Variants in NRXN3 observed in about 807,000 individuals in gnomAD.
The protein encoded by NRXN3 is neurexin III.
A neutral mutation model predicts 137.6 loss-of-function variants in NRXN3; 32 were observed. The observed-to-expected ratio is 0.23, with a 90% confidence interval of 0.18 to 0.31. The LOEUF (loss-of-function observed/expected upper bound fraction) is 0.31, where lower values mean the gene tolerates loss of function less well. Among genes scored for constraint, NRXN3 ranks in the 10% least tolerant of loss-of-function variants. The pLI is 1.00. For missense variants in NRXN3, 1,574 were observed against 2,062.5 expected (o/e 0.76, Z 4.59); for synonymous variants, 798 against 784.5 (o/e 1.02, Z -0.29).
At chr14:78,935,589 G>A (rs554582106) in intron 10 of NRXN3, among the ~76,000 whole-genome samples, 1 of 152,232 alleles carries the variant, frequency 6.6e-6, no homozygotes, top group East Asian at 1.9e-4. Context: ...ATATTGACAA[G>A]GAAAAAGTTC....
intron 19 of NRXN3, among the ~76,000 whole-genome samples, chr14:79,801,356 G>A (rs1032619127): frequency 5.3e-5 from 8 of 152,192 alleles, no homozygotes; most frequent in African/African-American, 4.8e-5. Context: ...GTAATGAATT[G>A]TCAGCAACAA....
At chr14:79,678,382 C>T (rs903732835) in intron 17 of NRXN3, among the ~76,000 whole-genome samples, 2 of 152,180 alleles carry the variant, frequency 1.3e-5, no homozygotes, top group African/African-American at 4.8e-5. Flanking sequence ...CTATAAATCT[C>T]TGTGGTAGAA....
intron 10 of NRXN3, among the ~76,000 whole-genome samples, chr14:78,883,778 G>C (rs2099135763): frequency 6.6e-6 from 1 of 152,152 alleles, no homozygotes; most frequent in Non-Finnish European, 1.5e-5. Context: ...CTCCAGCCCA[G>C]GTTTGTTCAT....
At chr14:79,788,708 A>T (rs1946055105) in intron 19 of NRXN3, among the ~76,000 whole-genome samples, 1 of 152,196 alleles carries the variant, frequency 6.6e-6, no homozygotes, top group African/African-American at 2.4e-5. Context: ...GTCTCCCTCA[A>T]ATAGCAATCA....
chr14:79,412,526 C>T (rs1428516040), intron 15 of NRXN3, among the ~76,000 whole-genome samples: 3 of 151,840 alleles, frequency 2.0e-5, no homozygotes, highest in Non-Finnish European at 2.9e-5. Flanking sequence ...CGCCTGTAAT[C>T]CCAGCACTTT....
At chr14:79,071,788 T>A (rs1161603600) in intron 15 of NRXN3, among the ~76,000 whole-genome samples, 3 of 152,164 alleles carry the variant, frequency 2.0e-5, no homozygotes, top group African/African-American at 7.2e-5. Context: ...ATCAATAATA[T>A]CTTCATTGCA....
chr14:79,318,349 G>C (rs947346237), intron 15 of NRXN3, among the ~76,000 whole-genome samples: 2 of 152,230 alleles, frequency 1.3e-5, no homozygotes, highest in Admixed American at 1.3e-4. Context: ...AGCAATTAGG[G>C]AAGGAAGGAA....
chr14:79,566,473 C>A (rs2097551439), intron 16 of NRXN3, among the ~76,000 whole-genome samples: 1 of 152,056 alleles, frequency 6.6e-6, no homozygotes, highest in Non-Finnish European at 1.5e-5. Context: ...TTTCTACTGA[C>A]AAAGCCAAAT....
chr14:79,480,339 G>T (rs1036733130), intron 16 of NRXN3, among the ~76,000 whole-genome samples: 14 of 152,120 alleles, frequency 9.2e-5, no homozygotes, highest in African/African-American at 3.4e-4. Context: ...TGGCTAAACA[G>T]CAAAGCTTAA....
chr14:78,645,462 A>G lies in NRXN3; in HGVS notation c.1059+41A>G, dbSNP rs1483462012. On this transcript the variant is annotated intron_variant, in intron 5 of 20. Transcript: ENST00000335750. ...AGAGAATTCCTGGAAGGCTCATCTT[A>G]GGTGGCTGGGTAGTAAATTTGTGAA... 4 of 1,508,828 alleles carry G rather than the reference A, an allele frequency of 2.7e-6. No individual in the cohort carries two copies. The African/African-American group carries it at 4.1e-5, about 16-fold the overall frequency. 93.5% of individuals were successfully genotyped at this position (1,508,828 alleles called of 1,614,324 possible).
chr14:79,771,393 C>T (rs545599459), intron 19 of NRXN3, among the ~76,000 whole-genome samples: 16 of 152,162 alleles, frequency 1.1e-4, no homozygotes, highest in East Asian at 7.7e-4. Context: ...ACTGGCAAAC[C>T]GACTCCAGCA....
chr14:78,780,258 G>T (rs1354783804), intron 8 of NRXN3, among the ~76,000 whole-genome samples: 2 of 151,074 alleles, frequency 1.3e-5, no homozygotes, highest in African/African-American at 4.9e-5. Context: ...TATCTATATG[G>T]GAAAAAATGA....
At chr14:78,575,790 A>G (rs920983193) in intron 4 of NRXN3, among the ~76,000 whole-genome samples, 1 of 152,198 alleles carries the variant, frequency 6.6e-6, no homozygotes, top group Non-Finnish European at 1.5e-5. Flanking sequence ...GTAAAGAAGA[A>G]GACATGGATA....
chr14:78,656,400 G>A (rs2097785107), intron 6 of NRXN3, among the ~76,000 whole-genome samples: 1 of 152,084 alleles, frequency 6.6e-6, no homozygotes, highest in African/African-American at 2.4e-5. Context: ...GCTCCAGGAT[G>A]AGGGGCAGGG....
At chr14:78,538,574 C>T (rs1371827527) in intron 4 of NRXN3, among the ~76,000 whole-genome samples, 1 of 152,194 alleles carries the variant, frequency 6.6e-6, no homozygotes, top group Non-Finnish European at 1.5e-5. Context: ...GACAATTTGA[C>T]TTCCTCATTG....
intron 15 of NRXN3, among the ~76,000 whole-genome samples, chr14:79,427,292 G>A: frequency 6.6e-6 from 1 of 152,170 alleles, no homozygotes; most frequent in East Asian, 1.9e-4. Context: ...GTCTGAATGT[G>A]TCAAATGGGA....
At chr14:78,812,251 G>A (rs1399423875) in intron 10 of NRXN3, among the ~76,000 whole-genome samples, 1 of 151,972 alleles carries the variant, frequency 6.6e-6, no homozygotes, top group African/African-American at 2.4e-5. Flanking sequence ...GCCTTTTTTG[G>A]ACATTTTATG....
intron 19 of NRXN3, among the ~76,000 whole-genome samples, chr14:79,729,145 C>T (rs1226654881): frequency 6.6e-6 from 1 of 152,170 alleles, no homozygotes; most frequent in Non-Finnish European, 1.5e-5. Flanking sequence ...ATTGTAAAGG[C>T]TCAACTTTTA....
intron 19 of NRXN3, among the ~76,000 whole-genome samples, chr14:79,803,159 C>T (rs930971331): frequency 6.6e-6 from 1 of 151,980 alleles, no homozygotes; most frequent in African/African-American, 2.4e-5. Context: ...ACTTCTCTGC[C>T]ATTGTTAATT....
Sources: allele counts gnomAD v4.1 joint callset (sites outside exome capture counted in the v4.1 genomes callset), GRCh38; gene constraint gnomAD v4.1.1; transcripts MANE v1.5; gene names NCBI Gene and HGNC (gene_info 2026-07-23, HGNC 2026-07-21).